Variants in STX8 observed in about 807,000 individuals in gnomAD.
STX8 encodes syntaxin 8.
A neutral mutation model predicts 37.5 loss-of-function variants in STX8; 23 were observed. The ratio of observed to expected loss-of-function variants is 0.61; its 90% CI spans 0.44 to 0.87. STX8 has a LOEUF of 0.87. STX8 is among the 40% of genes least tolerant of loss of function. The probability of loss-of-function intolerance (pLI) is 0.00; values close to 1 mark genes in which losing one functional copy is unlikely to be tolerated. For synonymous variants in STX8, 115 were observed against 99.1 expected, an observed-to-expected ratio of 1.16 and a Z score of -0.95; for missense variants, 313 against 284.7, an observed-to-expected ratio of 1.10 and a Z score of -0.71.
At chr17:9,423,570 C>T (rs936930300) in intron 6 of STX8, among the ~76,000 whole-genome samples, 6 of 152,182 alleles carry the variant, frequency 3.9e-5, no homozygotes, top group East Asian at 1.9e-4. Flanking sequence ...GTCATCCGCC[C>T]GCTTCAGCCT....
intron 4 of STX8, among the ~76,000 whole-genome samples, chr17:9,529,444 A>C (rs754694479): frequency 4.5e-4 from 69 of 152,336 alleles, no homozygotes; most frequent in Non-Finnish European, 8.2e-4. Flanking sequence ...TAGAACTTAC[A>C]AACAGAAAAA....
intron 7 of STX8, among the ~76,000 whole-genome samples, chr17:9,317,776 A>G (rs146540230): frequency 8.1e-6 from 1 of 123,910 alleles, no homozygotes; most frequent in Non-Finnish European, 1.9e-5. Flanking sequence ...AAAAAGAAAA[A>G]AAAAAAAAAA....
intron 7 of STX8, among the ~76,000 whole-genome samples, chr17:9,329,005 G>A (rs755574490): frequency 1.2e-4 from 16 of 133,276 alleles, no homozygotes; most frequent in East Asian, 4.8e-4. Flanking sequence ...AGCTGAGATC[G>A]CGCCACTGCA....
chr17:9,529,947 A>G (rs1397773041), intron 4 of STX8, among the ~76,000 whole-genome samples: 4 of 152,116 alleles, frequency 2.6e-5, no homozygotes, highest in Admixed American at 2.6e-4. Flanking sequence ...ATCAGTGAAT[A>G]GCCACTCTAC....
chr17:9,326,926 G>T (rs1407369505), intron 7 of STX8, among the ~76,000 whole-genome samples: 2 of 152,174 alleles, frequency 1.3e-5, no homozygotes, highest in Non-Finnish European at 1.5e-5. Flanking sequence ...TTGGGAGGCT[G>T]AGGCGGGCAG....
At chr17:9,268,962 C>T (rs569002249) in intron 7 of STX8, among the ~76,000 whole-genome samples, 51 of 152,092 alleles carry the variant, frequency 3.4e-4, no homozygotes, top group African/African-American at 8.7e-4. Flanking sequence ...CTGAGGCGGG[C>T]GGATCATGAA....
chr17:9,386,836 A>T (rs570866908), intron 6 of STX8, among the ~76,000 whole-genome samples: 1 of 152,226 alleles, frequency 6.6e-6, no homozygotes, highest in South Asian at 2.1e-4. Context: ...GCCTGCTCTC[A>T]ACTTCTACCT....
At chr17:9,460,489 A>G (rs993789116) in intron 6 of STX8, among the ~76,000 whole-genome samples, 1 of 152,128 alleles carries the variant, frequency 6.6e-6, no homozygotes, top group Non-Finnish European at 1.5e-5. Context: ...CTTGGCCAAC[A>G]TGGCAAAACC....
At chr17:9,518,988 G>T (rs1311095859) in intron 4 of STX8, among the ~76,000 whole-genome samples, 1 of 152,104 alleles carries the variant, frequency 6.6e-6, no homozygotes, top group African/African-American at 2.4e-5. Flanking sequence ...TGAACTAGGG[G>T]TGGGGAGGGA....
intron 7 of STX8, among the ~76,000 whole-genome samples, chr17:9,362,069 G>A (rs1325642212): frequency 6.6e-6 from 1 of 152,144 alleles, no homozygotes; most frequent in Non-Finnish European, 1.5e-5. Context: ...AGTGGCTCAT[G>A]CCTGTAATCC....
chr17:9,476,673 G>A (rs1284324122), intron 6 of STX8, among the ~76,000 whole-genome samples: 3 of 151,922 alleles, frequency 2.0e-5, no homozygotes, highest in Non-Finnish European at 4.4e-5. Flanking sequence ...GGCTGGTCTT[G>A]AACTCCTGAC....
intron 6 of STX8, among the ~76,000 whole-genome samples, chr17:9,465,544 C>A (rs146987127): frequency 6.6e-6 from 1 of 152,076 alleles, no homozygotes; most frequent in Non-Finnish European, 1.5e-5. Flanking sequence ...TTTTGTGTGC[C>A]GGAGAAATGT....
At chr17:9,417,569 G>C (rs1490183540) in intron 6 of STX8, among the ~76,000 whole-genome samples, 1 of 152,018 alleles carries the variant, frequency 6.6e-6, no homozygotes, top group Non-Finnish European at 1.5e-5. Context: ...CCCTTGTTAA[G>C]CCCCTAGCAT....
chr17:9,545,023 TA>T (rs1906445315), intron 4 of STX8, 148 bp downstream of exon 4: 1 of 601,076 alleles, frequency 1.7e-6, no homozygotes, highest in South Asian at 2.2e-5. Context: ...TAACGAAAAC[TA>T]AATTGAGTAG....
chr17:9,445,449 T>C (rs770254771), intron 6 of STX8, among the ~76,000 whole-genome samples: 2 of 136,038 alleles, frequency 1.5e-5, no homozygotes, highest in Non-Finnish European at 3.1e-5. Flanking sequence ...AAGAATGGCA[T>C]GCCCCTGGGT....
intron 6 of STX8, among the ~76,000 whole-genome samples, chr17:9,411,812 TA>T (rs1912987582): frequency 6.6e-6 from 1 of 152,186 alleles, no homozygotes; most frequent in Non-Finnish European, 1.5e-5. Context: ...ATTTACTTCT[TA>T]ATCTCTCAGC....
chr17:9,495,115 C>T (rs967497932), intron 5 of STX8, among the ~76,000 whole-genome samples: 1 of 152,126 alleles, frequency 6.6e-6, no homozygotes, highest in East Asian at 1.9e-4. Flanking sequence ...CTCTTTAATT[C>T]ATCTGGAATT....
At position 9,339,070 on chromosome 17, in the gene STX8, C is replaced by CAAAAAAAAAA. The variant is rs34987749; in HGVS notation, c.643+39472_643+39481dup. The stretch of plus-strand genomic sequence containing the variant: ...TGGTTGACAAAGCGAGACTCCGTCT[C>CAAAAAAAAAA]AAAAAAAAAAAAAAAAAAAAATTCC... On this transcript the variant is annotated intron_variant, in intron 7 of 7. Transcript: ENST00000306357. Among the ~76,000 whole-genome samples, 36 of 70,020 alleles carry CAAAAAAAAAA rather than the reference C, an allele frequency of 5.1e-4. 1 individual carries two copies. The highest frequency in any genetic ancestry group is 2.1e-3 in the African/African-American group (33 of 15,510). The allele number at this position is 70,020 out of a possible 152,430, so 45.9% of individuals were successfully genotyped here.
intron 2 of STX8, among the ~76,000 whole-genome samples, chr17:9,564,930 G>C (rs1285839187): frequency 6.6e-6 from 1 of 152,186 alleles, no homozygotes; most frequent in Admixed American, 6.5e-5. Flanking sequence ...AAGCTGGGCC[G>C]GGCGCAGTGG....
Sources: allele counts gnomAD v4.1 joint callset (sites outside exome capture counted in the v4.1 genomes callset), GRCh38; gene constraint gnomAD v4.1.1; transcripts MANE v1.5; gene names NCBI Gene and HGNC (gene_info 2026-07-23, HGNC 2026-07-21).